Variants in KIAA0753 observed in about 807,000 individuals in gnomAD.
KIAA0753 encodes the protein protein moonraker.
Under a neutral mutation model 116.9 loss-of-function variants are expected in KIAA0753, and 114 were observed. That is an observed-to-expected ratio of 0.98 (90% CI 0.84 to 1.14). The LOEUF is 1.14. Among genes scored for constraint, KIAA0753 ranks in the 50% most tolerant of loss-of-function variants. The pLI is 0.00. For synonymous variants in KIAA0753, 405 were observed against 413.1 expected (o/e 0.98, Z 0.24); for missense variants, 1,156 against 1,172.4 (o/e 0.99, Z 0.20).
intron 12 of KIAA0753, among the ~76,000 whole-genome samples, chr17:6,604,720 T>C (rs1970084502): frequency 6.6e-6 from 1 of 151,966 alleles, no homozygotes; most frequent in South Asian, 2.1e-4. Flanking sequence ...ATCTCGACTA[T>C]ACCAATGTTA....
In KIAA0753 at chr17:6,630,588, C is replaced by A. The variant is rs140887873; in HGVS notation, c.94-1847G>T. Among the ~76,000 whole-genome samples the A allele has an allele frequency of 5.1e-3, 770 of 152,144 alleles. 9 individuals carry two copies. The highest frequency in any genetic ancestry group is 0.02 in the Middle Eastern group (6 of 294). The stretch of plus-strand genomic sequence containing the variant: ...AGGAGTCTCACTTCTAGGAATTTAC[C>A]CTGTAGACACACCTCCAACAATAAA... On this transcript the variant is annotated intron_variant, in intron 2 of 18. Coordinates refer to ENST00000361413, the MANE Select transcript of KIAA0753 (RefSeq NM_014804.3).
chr17:6,620,983 G>A lies in KIAA0753; in HGVS notation c.1120C>T (p.Leu374=). The A allele has an allele frequency of 1.2e-6, 2 of 1,612,980 alleles. No homozygotes were observed. Among genetic ancestry groups the A allele is most frequent in the Non-Finnish European group, 1.7e-6 (2 of 1,179,922 alleles). The stretch of plus-strand genomic sequence containing the variant: ...TTTTTTGGTGACAGTTTCTTTTCCA[G>A]GAGAGATTCCAAAGCCTGCCACAAA... ...LQQIEALESL[L]EKKLSPKKVK... Residue 374 remains leucine (L), a synonymous_variant, in exon 7 of 19, where the codon CTG becomes TTG. Transcript: ENST00000361413.
At chr17:6,595,634 T>C (rs1208972125) in intron 15 of KIAA0753, among the ~76,000 whole-genome samples, 1 of 152,260 alleles carries the variant, frequency 6.6e-6, no homozygotes, top group East Asian at 1.9e-4. Flanking sequence ...CAGGATTTTT[T>C]TGTGACCTTG....
At position 6,606,952 on chromosome 17, in the gene KIAA0753, G is replaced by C. The variant is rs772880200; in HGVS notation, c.1930C>G (p.Leu644Val). The C allele has an allele frequency of 1.9e-5, 31 of 1,613,918 alleles. No individual in the cohort carries two copies. The highest frequency in any genetic ancestry group is 2.6e-5 in the Non-Finnish European group (31 of 1,179,826). Residue 644 changes from leucine to valine, a missense_variant, in exon 12 of 19, where the codon CTT becomes GTT. Physicochemically the swap from Leu to Val is conservative, Grantham distance 32. Coordinates refer to ENST00000361413, the MANE Select transcript of KIAA0753 (RefSeq NM_014804.3). ...DSMQKQRLDWLDAETSRRTKE... is the reference protein window; with the variant it reads ...DSMQKQRLDWVDAETSRRTKE... Reference sequence around the variant, plus strand: ...GTTCTTCTAGAAGTTTCAGCATCAAGCCAATCAAGCCTAGAGAACAGTATC... The same window carrying C: ...GTTCTTCTAGAAGTTTCAGCATCAACCCAATCAAGCCTAGAGAACAGTATC...
intron 3 of KIAA0753, among the ~76,000 whole-genome samples, chr17:6,626,181 A>G (rs1432337916): frequency 6.6e-6 from 1 of 151,310 alleles, no homozygotes; most frequent in Non-Finnish European, 1.5e-5. Context: ...CTGTTTGAAG[A>G]AGATGCAATC....
rs55849399 is a variant in KIAA0753 at position 6,624,536 on chromosome 17, C to CCACA, written c.825+215_825+218dup. On this transcript the variant is annotated intron_variant, in intron 4 of 18. Transcript: ENST00000361413. ...AAGAACCAGTTTAAGGAGTTTGGCG[C>CCACA]CACACACACACACACACACACACAC... 0.051 allele frequency among the ~76,000 whole-genome samples: 7,323 copies of CCACA among 143,918 alleles called. 296 individuals are homozygous for CCACA. Among genetic ancestry groups the CCACA allele is most frequent in the African/African-American group, 0.12 (4,659 of 39,206 alleles). The allele number at this position is 143,918 out of a possible 152,430, so 94.4% of individuals were successfully genotyped here. A position where few individuals can be genotyped will look rare whatever the true frequency, so the allele number is the denominator to read the frequency against.
chr17:6,618,954 C>T (rs149549913), intron 7 of KIAA0753, among the ~76,000 whole-genome samples: 2 of 152,200 alleles, frequency 1.3e-5, no homozygotes, highest in South Asian at 2.1e-4. Context: ...ATAGGCCAGG[C>T]GCTGTGGCTC....
At chr17:6,624,945 A>T in intron 3 of KIAA0753, 84 bp from the exon 4 acceptor site, 2 of 880,072 alleles carry the variant, frequency 2.3e-6, no homozygotes, top group South Asian at 3.1e-5. Flanking sequence ...TTACAGAAAT[A>T]ATAAAGTTGA....
intron 16 of KIAA0753, among the ~76,000 whole-genome samples, chr17:6,591,278 G>C (rs1969045651): frequency 6.6e-6 from 1 of 152,176 alleles, no homozygotes; most frequent in Non-Finnish European, 1.5e-5. Flanking sequence ...TTCAAGTGTA[G>C]GAAGAAAATT....
chr17:6,604,970 G>T (rs890063388), intron 12 of KIAA0753, among the ~76,000 whole-genome samples: 1 of 150,952 alleles, frequency 6.6e-6, no homozygotes, highest in African/African-American at 2.4e-5. Context: ...CCTTTCTCAA[G>T]AAGCTAAATT....
chr17:6,607,242 T>C lies in KIAA0753; in HGVS notation c.1858A>G (p.Lys620Glu), dbSNP rs1181764934. The C allele has an allele frequency of 5.6e-6, 9 of 1,614,050 alleles. No homozygotes were observed. Among genetic ancestry groups the C allele is most frequent in the Non-Finnish European group, 7.6e-6 (9 of 1,180,026 alleles). The stretch of plus-strand genomic sequence containing the variant: ...AACTCTTCTAGTTCCTTCAATCTTT[T>C]GGAAGTTTCAGCATCAAGCCAAGCG... ...RLAWLDAETS[K>E]RLKELEELKA... The change falls in exon 11 of 19, where the codon AAA becomes GAA. Residue 620 changes from lysine (K) to glutamate (E), a missense_variant. Physicochemically the swap from Lys to Glu is moderately conservative, Grantham distance 56 (BLOSUM62 1). Coordinates refer to ENST00000361413, the MANE Select transcript of KIAA0753 (RefSeq NM_014804.3).
chr17:6,583,016 A>C (rs1467307141), intron 18 of KIAA0753, among the ~76,000 whole-genome samples: 1 of 152,172 alleles, frequency 6.6e-6, no homozygotes, highest in African/African-American at 2.4e-5. Context: ...CCTATTTTTA[A>C]AATTCATGCC....
rs778538536 is a variant in KIAA0753, at chr17:6,596,154, T to C, written c.2358+4A>G. ...CGAACCAGACCCGGAGCCCCAGACCTTACTTCCATCTCTTCCATTCGGCGC... is the reference window on the plus strand; with the variant it reads ...CGAACCAGACCCGGAGCCCCAGACCCTACTTCCATCTCTTCCATTCGGCGC... On this transcript the variant is annotated splice_donor_region_variant and intron_variant, in intron 15 of 18. Transcript: ENST00000361413. The C allele has an allele frequency of 2.5e-6, 4 of 1,612,552 alleles. No homozygotes were observed. The highest frequency in any genetic ancestry group is 3.4e-6 in the Non-Finnish European group (4 of 1,178,780).
At chr17:6,591,351 A>C (rs924155028) in intron 16 of KIAA0753, among the ~76,000 whole-genome samples, 1 of 152,246 alleles carries the variant, frequency 6.6e-6, no homozygotes, top group African/African-American at 2.4e-5. Context: ...TTATATGCTT[A>C]ATTTCTTGCT....
intron 18 of KIAA0753, among the ~76,000 whole-genome samples, chr17:6,583,806 T>G (rs1968372913): frequency 6.6e-6 from 1 of 152,234 alleles, no homozygotes; most frequent in African/African-American, 2.4e-5. Context: ...AGCTCTAATG[T>G]TTGTATCTGC....
chr17:6,625,821 C>G (rs899527023), intron 3 of KIAA0753, among the ~76,000 whole-genome samples: 1 of 152,150 alleles, frequency 6.6e-6, no homozygotes, highest in Admixed American at 6.5e-5. Flanking sequence ...CCTGCCTCAG[C>G]CTCCTGAGTA....
At chr17:6,629,167 T>C (rs1343304849) in intron 2 of KIAA0753, among the ~76,000 whole-genome samples, 1 of 152,228 alleles carries the variant, frequency 6.6e-6, no homozygotes, top group Non-Finnish European at 1.5e-5. Flanking sequence ...ATAGTACTTC[T>C]TCAGGTCTTC....
chr17:6,599,559 T>C (rs1296432948), intron 13 of KIAA0753, among the ~76,000 whole-genome samples: 1 of 152,258 alleles, frequency 6.6e-6, no homozygotes, highest in East Asian at 1.9e-4. Flanking sequence ...AGCTGCATGC[T>C]TTATGCAAGT....
At chr17:6,616,424 G>A (rs939954822) in intron 7 of KIAA0753, among the ~76,000 whole-genome samples, 1 of 152,092 alleles carries the variant, frequency 6.6e-6, no homozygotes, top group African/African-American at 2.4e-5. Context: ...AACTAAAAAT[G>A]CCACCTTACA....
Sources: gnomAD v4.1 joint callset for allele counts (sites outside exome capture counted in the v4.1 genomes callset) on GRCh38, gnomAD v4.1.1 for gene constraint, MANE v1.5 for transcripts, NCBI Gene and HGNC (gene_info 2026-07-23, HGNC 2026-07-21) for gene names.